Variants in MYCBP2 observed in about 807,000 individuals in gnomAD.
The protein encoded by MYCBP2 is MYC binding protein 2.
MYCBP2 carries 120 observed loss-of-function variants against 525.3 expected under a neutral mutation model. The ratio of observed to expected loss-of-function variants is 0.23; its 90% CI spans 0.20 to 0.27. MYCBP2 has a LOEUF of 0.27. MYCBP2 is among the 10% of genes least tolerant of loss of function. The pLI is 1.00. For synonymous variants in MYCBP2, 1,894 were observed against 1,955.8 expected, an observed-to-expected ratio of 0.97 and a Z score of 0.83; for missense variants, 4,149 against 5,657.1, an observed-to-expected ratio of 0.73 and a Z score of 8.55.
At chr13:77,242,384 G>A (rs2069006325) in intron 17 of MYCBP2, among the ~76,000 whole-genome samples, 1 of 152,178 alleles carries the variant, frequency 6.6e-6, no homozygotes, top group African/African-American at 2.4e-5. Flanking sequence ...AAAGTGCTGG[G>A]ATTACAGGCG....
intron 47 of MYCBP2, among the ~76,000 whole-genome samples, chr13:77,146,980 C>T (rs969645870): frequency 6.6e-6 from 1 of 152,054 alleles, no homozygotes; most frequent in African/African-American, 2.4e-5. Context: ...AATAAGCGTC[C>T]ATCAATGGGA....
At chr13:77,068,439 A>C in intron 70 of MYCBP2, 126 bp downstream of exon 70, 3 of 1,210,184 alleles carry the variant, frequency 2.5e-6, no homozygotes, top group Non-Finnish European at 3.4e-6. Context: ...GGCCCCAAAC[A>C]AAATATAACA....
chr13:77,051,854 C>T lies in MYCBP2; in HGVS notation c.13712G>A (p.Arg4571Lys). The T allele has an allele frequency of 1.2e-6, 2 of 1,614,188 alleles. No homozygotes were observed. Among genetic ancestry groups the T allele is most frequent in the South Asian group, 1.1e-5 (1 of 91,084 alleles). Residue 4571 changes from arginine to lysine, a missense_variant, in exon 81 of 83, where the codon AGA becomes AAA. Physicochemically the swap from Arg to Lys is conservative, Grantham distance 26 (BLOSUM62 2). Transcript: ENST00000544440. ...EAGRGDDYDP[R>K]ELICGACSDV... ...AGAACAGGCACCACAAATGAGCTCT[C>T]TGGGATCATAATCATCTCCCCGTCC...
intron 18 of MYCBP2, among the ~76,000 whole-genome samples, chr13:77,232,789 A>G (rs144747705): frequency 7.2e-5 from 11 of 152,362 alleles, no homozygotes; most frequent in Admixed American, 5.9e-4. Context: ...TATAAACAGC[A>G]TTCAAAAAAG....
At chr13:77,082,098 T>C (rs1351077152) in intron 63 of MYCBP2, 105 bp from the exon 64 acceptor site, 1 of 983,830 alleles carries the variant, frequency 1.0e-6, no homozygotes, top group Non-Finnish European at 1.4e-6. Flanking sequence ...GAAATTTTAA[T>C]GTTCTAGTAA....
intron 26 of MYCBP2, among the ~76,000 whole-genome samples, chr13:77,204,150 G>C (rs1481271585): frequency 6.6e-6 from 1 of 151,450 alleles, no homozygotes. Context: ...CTACTCATCT[G>C]ACAAAGGGCT....
At chr13:77,181,152 CAG>C (rs1566834445) in intron 33 of MYCBP2, among the ~76,000 whole-genome samples, 2 of 152,086 alleles carry the variant, frequency 1.3e-5, no homozygotes, top group East Asian at 3.9e-4. Context: ...CAAGAAGTCA[CAG>C]AGTCTCAATA....
intron 39 of MYCBP2, 136 bp downstream of exon 39, chr13:77,169,478 G>C: frequency 1.6e-6 from 1 of 636,016 alleles, no homozygotes; most frequent in Non-Finnish European, 2.8e-6. Flanking sequence ...TTAATAATTA[G>C]CAGATCTATC....
intron 80 of MYCBP2, among the ~76,000 whole-genome samples, chr13:77,052,690 G>A (rs2037075024): frequency 6.6e-6 from 1 of 152,130 alleles, no homozygotes; most frequent in Non-Finnish European, 1.5e-5. Context: ...CCCTTCTACT[G>A]TTTTAATAAA....
intron 47 of MYCBP2, among the ~76,000 whole-genome samples, chr13:77,149,590 C>G (rs1247711014): frequency 6.6e-6 from 1 of 152,122 alleles, no homozygotes; most frequent in Non-Finnish European, 1.5e-5. Flanking sequence ...ACTGTGATCA[C>G]TCAGGTCTGT....
chr13:77,142,452 C>T (rs2054833153), intron 49 of MYCBP2, among the ~76,000 whole-genome samples: 1 of 152,188 alleles, frequency 6.6e-6, no homozygotes, highest in Admixed American at 6.5e-5. Flanking sequence ...TATATAGTTA[C>T]ATTAATGTAT....
chr13:77,130,567 A>G (rs2052584532), intron 52 of MYCBP2, among the ~76,000 whole-genome samples: 1 of 152,036 alleles, frequency 6.6e-6, no homozygotes, highest in Admixed American at 6.6e-5. Context: ...ACCAAAGCCA[A>G]CTGCCCCCTA....
chr13:77,193,398 T>C (rs1040582399), intron 27 of MYCBP2, among the ~76,000 whole-genome samples: 1 of 152,170 alleles, frequency 6.6e-6, no homozygotes, highest in Non-Finnish European at 1.5e-5. Flanking sequence ...ACGATCATCC[T>C]TGTTTCTGAA....
chr13:77,054,343 G>A (rs1028803259), intron 80 of MYCBP2, among the ~76,000 whole-genome samples: 3 of 152,146 alleles, frequency 2.0e-5, no homozygotes, highest in Non-Finnish European at 4.4e-5. Flanking sequence ...AGACTGGAGA[G>A]GGAGACTGGG....
chr13:77,159,240 T>C (rs2154202048), intron 44 of MYCBP2, among the ~76,000 whole-genome samples: 1 of 152,280 alleles, frequency 6.6e-6, no homozygotes, highest in East Asian at 1.9e-4. Flanking sequence ...TCAAATAATC[T>C]CTCTTACACA....
At position 77,121,356 on chromosome 13, in the gene MYCBP2, T is replaced by C; in HGVS notation, c.8140+17A>G. 6.6e-7 allele frequency: 1 copy of C among 1,507,946 alleles called. No homozygotes were observed. Among genetic ancestry groups the C allele is most frequent in the Non-Finnish European group, 8.9e-7 (1 of 1,118,740 alleles). 93.4% of individuals were successfully genotyped at this position (1,507,946 alleles called of 1,614,324 possible). On this transcript the variant is annotated intron_variant, in intron 55 of 82. Coordinates refer to ENST00000544440, the MANE Select transcript of MYCBP2 (RefSeq NM_015057.5). ...ATTGAAGTTAGGTAAGTAAAAGACT[T>C]ACTTTTAAATACCTACCTTTGCTAT... is the stretch of plus-strand genomic sequence containing the variant.
intron 41 of MYCBP2, among the ~76,000 whole-genome samples, 158 bp from the exon 42 acceptor site, chr13:77,165,549 A>G (rs1247189508): frequency 3.3e-5 from 5 of 152,160 alleles, no homozygotes. Flanking sequence ...GAGCGTTCCT[A>G]TATCTACTTG....
rs757354618 is a variant in MYCBP2, at chr13:77,126,311, T to A, written c.7884+7A>T. ...CTTAGAAGTCATGAAGCTACAAGAA[T>A]CCATACCTCTCCCACTGCTTTGACT... On this transcript the variant is annotated splice_region_variant and intron_variant, in intron 53 of 82. Coordinates refer to ENST00000544440, the MANE Select transcript of MYCBP2 (RefSeq NM_015057.5). 6.2e-7 allele frequency: 1 copy of A among 1,611,234 alleles called. No homozygotes were observed. Among genetic ancestry groups the A allele is most frequent in the Non-Finnish European group, 8.5e-7 (1 of 1,177,702 alleles).
chr13:77,276,965 A>C (rs1328185881), intron 4 of MYCBP2, among the ~76,000 whole-genome samples: 1 of 151,788 alleles, frequency 6.6e-6, no homozygotes, highest in African/African-American at 2.4e-5. Flanking sequence ...CAATAATGTG[A>C]AAGTTTTGAT....
Sources: allele counts gnomAD v4.1 joint callset (sites outside exome capture counted in the v4.1 genomes callset), GRCh38; gene constraint gnomAD v4.1.1; transcripts MANE v1.5; gene names NCBI Gene and HGNC (gene_info 2026-07-23, HGNC 2026-07-21).